Variants in DLG2 observed in about 807,000 individuals in gnomAD.
The protein encoded by DLG2 is discs large MAGUK scaffold protein 2.
A neutral mutation model predicts 132.5 loss-of-function variants in DLG2; 45 were observed. The observed-to-expected ratio is 0.34, with a 90% CI of 0.27 to 0.44. DLG2 has a LOEUF of 0.44. Ranked by LOEUF, DLG2 falls within the 20% of genes least tolerant of loss-of-function variation. The pLI is 1.00. For missense variants in DLG2, 1,045 were observed against 1,196.9 expected (o/e 0.87, Z 1.87); for synonymous variants, 424 against 419.6 (o/e 1.01, Z -0.13).
rs532166310 is a variant in DLG2 at position 84,313,502 on chromosome 11, A to G, written c.520-62211T>C. On this transcript the variant is annotated intron_variant, in intron 7 of 27. Coordinates refer to ENST00000376104, the MANE Select transcript of DLG2 (RefSeq NM_001142699.3). Reference sequence around the variant, plus strand: ...TGATAGTCAAAGAAAGAAAGAAAGAAAGAGAGAGAGAGACAGAGAGAGAGA... The same window carrying G: ...TGATAGTCAAAGAAAGAAAGAAAGAGAGAGAGAGAGAGACAGAGAGAGAGA... Among the ~76,000 whole-genome samples the G allele has an allele frequency of 1.1e-3, 142 of 132,628 alleles. 1 individual carries two copies. In the Middle Eastern group the frequency reaches 0.011, roughly 10 times the overall value. The allele number at this position is 132,628 out of a possible 152,430, so 87.0% of individuals were successfully genotyped here.
At chr11:84,619,239 A>C (rs1013877370) in intron 6 of DLG2, among the ~76,000 whole-genome samples, 4 of 151,976 alleles carry the variant, frequency 2.6e-5, no homozygotes, top group Non-Finnish European at 5.9e-5. Context: ...GGAAATTTAA[A>C]AAAATTTTAA....
chr11:84,990,397 G>A (rs1386697735), intron 6 of DLG2, among the ~76,000 whole-genome samples: 1 of 152,148 alleles, frequency 6.6e-6, no homozygotes, highest in Non-Finnish European at 1.5e-5. Flanking sequence ...CCCTATAAAA[G>A]GGCTTAAGGG....
At chr11:84,542,394 T>C (rs768543669) in intron 6 of DLG2, among the ~76,000 whole-genome samples, 4 of 152,232 alleles carry the variant, frequency 2.6e-5, no homozygotes, top group Non-Finnish European at 4.4e-5. Flanking sequence ...TTAGTTTCAC[T>C]GTCTCTGTTA....
chr11:84,109,317 G>A (rs990338365), intron 9 of DLG2, among the ~76,000 whole-genome samples: 1 of 152,122 alleles, frequency 6.6e-6, no homozygotes, highest in Non-Finnish European at 1.5e-5. Context: ...AAAGTTTTCT[G>A]AGTGACAGAC....
chr11:85,265,120 T>C (rs543033789), intron 4 of DLG2, among the ~76,000 whole-genome samples: 36 of 152,326 alleles, frequency 2.4e-4, no homozygotes, highest in Non-Finnish European at 2.4e-4. Context: ...ATATTTTTCT[T>C]AAGATGCCTT....
intron 3 of DLG2, among the ~76,000 whole-genome samples, chr11:85,567,155 G>A (rs1409079163): frequency 1.3e-5 from 2 of 152,152 alleles, no homozygotes; most frequent in African/African-American, 4.8e-5. Flanking sequence ...AGCTATTTGA[G>A]ACGCCCTCAT....
chr11:85,344,457 A>G (rs1302044480), intron 3 of DLG2, among the ~76,000 whole-genome samples: 1 of 152,172 alleles, frequency 6.6e-6, no homozygotes, highest in African/African-American at 2.4e-5. Flanking sequence ...CGTGAAATTC[A>G]TTTCAATAGA....
intron 11 of DLG2, among the ~76,000 whole-genome samples, chr11:83,981,081 C>T (rs1813483320): frequency 6.6e-6 from 1 of 152,144 alleles, no homozygotes; most frequent in Admixed American, 6.6e-5. Context: ...CTGCCAATCA[C>T]TTGGGCAGAG....
Position 83,586,582 on chromosome 11 carries a change from G to A in DLG2, c.1941-44724C>T, listed in dbSNP as rs191694382. Among the ~76,000 whole-genome samples, 3 of 152,222 alleles carry A rather than the reference G, an allele frequency of 2.0e-5. 1 individual carries two copies. The East Asian group carries it at 5.8e-4, about 29-fold the overall frequency. On this transcript the variant is annotated intron_variant, in intron 19 of 27. Coordinates refer to ENST00000376104, the MANE Select transcript of DLG2 (RefSeq NM_001142699.3). ...TTTTACCTATATCCCTGAGGTACAG[G>A]GTCAGAACTCAAAATTAATAGCCAG...
chr11:84,898,371 C>A (rs1346237565), intron 6 of DLG2, among the ~76,000 whole-genome samples: 1 of 151,888 alleles, frequency 6.6e-6, no homozygotes, highest in East Asian at 1.9e-4. Context: ...CTTTTATAAA[C>A]CATGCTTTTT....
chr11:85,254,665 C>T lies in DLG2; in HGVS notation c.186+30555G>A, dbSNP rs560496828. ...ATGGGAATCCTGGTATAGTTTATAA[C>T]TGAGGAAATTCATTCCTCTAAAAAT... On this transcript the variant is annotated intron_variant, in intron 4 of 27. Coordinates refer to ENST00000376104, the MANE Select transcript of DLG2 (RefSeq NM_001142699.3). Among the ~76,000 whole-genome samples, 263 of 152,296 alleles carry T rather than the reference C, an allele frequency of 1.7e-3. 1 individual carries two copies. The highest frequency in any genetic ancestry group is 6.1e-3 in the African/African-American group (254 of 41,572).
At chr11:83,959,484 T>C (rs2087892102) in intron 14 of DLG2, among the ~76,000 whole-genome samples, 1 of 152,266 alleles carries the variant, frequency 6.6e-6, no homozygotes, top group South Asian at 2.1e-4. Flanking sequence ...TTTACTATTT[T>C]AGGAAAATAC....
At chr11:83,484,015 C>T in intron 22 of DLG2, 114 bp downstream of exon 22, 3 of 814,260 alleles carry the variant, frequency 3.7e-6, no homozygotes, top group Non-Finnish European at 6.3e-6. Context: ...CCCTGCCTGC[C>T]TGCTGTGTTG....
At chr11:84,886,121 C>T (rs1453066618) in intron 6 of DLG2, among the ~76,000 whole-genome samples, 1 of 152,044 alleles carries the variant, frequency 6.6e-6, no homozygotes, top group African/African-American at 2.4e-5. Flanking sequence ...ACAGCTTAAC[C>T]TGGGAAGGTC....
intron 6 of DLG2, among the ~76,000 whole-genome samples, chr11:85,069,396 C>G (rs988914527): frequency 1.3e-5 from 2 of 152,108 alleles, no homozygotes; most frequent in African/African-American, 4.8e-5. Flanking sequence ...TTTTTGCAAG[C>G]TACGCATCTG....
chr11:85,201,278 A>G (rs1165113443), intron 4 of DLG2, among the ~76,000 whole-genome samples: 1 of 152,160 alleles, frequency 6.6e-6, no homozygotes, highest in Non-Finnish European at 1.5e-5. Context: ...CTCTGAGCCA[A>G]TGAAACAGTC....
chr11:84,394,790 T>G (rs1487814246), intron 7 of DLG2, among the ~76,000 whole-genome samples: 1 of 152,014 alleles, frequency 6.6e-6, no homozygotes, highest in East Asian at 1.9e-4. Context: ...CCCAGCTAAT[T>G]TTTGTATTTT....
chr11:84,614,617 C>G (rs566538333), intron 6 of DLG2, among the ~76,000 whole-genome samples: 28 of 152,270 alleles, frequency 1.8e-4, no homozygotes, highest in Middle Eastern at 3.4e-3. Flanking sequence ...TGGAGTCAGA[C>G]AAGTAGGTGC....
intron 7 of DLG2, among the ~76,000 whole-genome samples, chr11:84,326,501 G>A (rs1467903752): frequency 6.6e-6 from 1 of 152,078 alleles, no homozygotes; most frequent in Non-Finnish European, 1.5e-5. Context: ...TTAAGAGTGA[G>A]TTGTTTAATT....
Sources: allele counts gnomAD v4.1 joint callset (sites outside exome capture counted in the v4.1 genomes callset), GRCh38; gene constraint gnomAD v4.1.1; transcripts MANE v1.5; gene names NCBI Gene and HGNC (gene_info 2026-07-23, HGNC 2026-07-21).